The following TRHDE variants were observed in gnomAD, a reference collection of about 807,000 sequenced individuals.
TRHDE encodes thyrotropin releasing hormone degrading enzyme.
TRHDE carries 72 observed loss-of-function variants against 125.7 expected under a neutral mutation model. The observed-to-expected ratio is 0.57, with a 90% CI of 0.47 to 0.70. The LOEUF is 0.70. Ranked by LOEUF, TRHDE falls within the 30% of genes least tolerant of loss-of-function variation. The pLI is 0.00. For missense variants in TRHDE, 1,110 were observed against 1,327.1 expected (o/e 0.84, Z 2.54); for synonymous variants, 509 against 509.1 (o/e 1.00, Z 0.00).
chr12:72,632,761 G>A (rs1051331935), intron 15 of TRHDE, among the ~76,000 whole-genome samples: 11 of 148,072 alleles, frequency 7.4e-5, no homozygotes, highest in African/African-American at 2.7e-4. Flanking sequence ...GACAAGTCAC[G>A]AATTTTCCTC....
At chr12:72,589,734 T>C (rs1186440579) in intron 12 of TRHDE, among the ~76,000 whole-genome samples, 5 of 152,134 alleles carry the variant, frequency 3.3e-5, no homozygotes, top group African/African-American at 1.2e-4. Context: ...TAATGTCTTA[T>C]GAGTTTTGTG....
At chr12:72,344,669 A>C (rs1484745454) in intron 2 of TRHDE, among the ~76,000 whole-genome samples, 1 of 152,106 alleles carries the variant, frequency 6.6e-6, no homozygotes, top group African/African-American at 2.4e-5. Flanking sequence ...TGTGCAAAAG[A>C]AAATACAATT....
intron 3 of TRHDE, among the ~76,000 whole-genome samples, chr12:72,431,047 T>G (rs1874454791): frequency 6.6e-6 from 1 of 152,148 alleles, no homozygotes; most frequent in South Asian, 2.1e-4. Flanking sequence ...CTCAATTTTA[T>G]TTTTGGATTG....
Position 72,621,163 on chromosome 12 carries a change from A to G in TRHDE, c.2525A>G (p.Asn842Ser), listed in dbSNP as rs748323692. The change falls in exon 14 of 19, where the codon AAT becomes AGT. Residue 842 changes from asparagine to serine, a missense_variant. Transcript: ENST00000261180. ...TATATCAAGCTTGGGTGGCCGAAAA[A>G]TAATTTTAATGGATCTCTTGTTCAA... ...TTYIKLGWPK[N>S]NFNGSLVQAS... The G allele has an allele frequency of 2.5e-6, 4 of 1,612,586 alleles. No individual in the cohort carries two copies. The highest frequency in any genetic ancestry group is 3.4e-6 in the Non-Finnish European group (4 of 1,179,060).
intron 2 of TRHDE, among the ~76,000 whole-genome samples, chr12:72,106,382 A>C (rs900160557): frequency 6.6e-6 from 1 of 152,150 alleles, no homozygotes; most frequent in Non-Finnish European, 1.5e-5. Flanking sequence ...GAAAAAGGTA[A>C]ATAAACAAAA....
intron 12 of TRHDE, among the ~76,000 whole-genome samples, chr12:72,595,057 G>A (rs1871870564): frequency 7.3e-6 from 1 of 136,746 alleles, no homozygotes; most frequent in Non-Finnish European, 1.5e-5. Flanking sequence ...GGTGGGAATT[G>A]AACAATGAGA....
intron 2 of TRHDE, among the ~76,000 whole-genome samples, chr12:72,313,811 C>A (rs893250621): frequency 2.0e-5 from 3 of 152,098 alleles, no homozygotes; most frequent in Non-Finnish European, 2.9e-5. Flanking sequence ...ATATTGTCTC[C>A]CTCTGGGGAA....
intron 2 of TRHDE, among the ~76,000 whole-genome samples, chr12:72,352,242 A>C (rs1385821453): frequency 5.3e-5 from 8 of 151,720 alleles, no homozygotes; most frequent in Middle Eastern, 3.2e-3. Flanking sequence ...GGAGAGAAAA[A>C]AAAAAAGATT....
At chr12:72,171,261 A>G (rs1307753111) in intron 2 of TRHDE, among the ~76,000 whole-genome samples, 1 of 152,088 alleles carries the variant, frequency 6.6e-6, no homozygotes, top group Non-Finnish European at 1.5e-5. Flanking sequence ...AGAAAAAAAA[A>G]ATAGGATTAG....
intron 3 of TRHDE, among the ~76,000 whole-genome samples, chr12:72,424,950 C>T (rs991077164): frequency 1.9e-4 from 29 of 151,664 alleles, no homozygotes; most frequent in African/African-American, 7.0e-4. Flanking sequence ...ACTGAAATCA[C>T]AGAAAGGAAA....
At chr12:72,474,978 C>T (rs559689388) in intron 5 of TRHDE, among the ~76,000 whole-genome samples, 7 of 152,228 alleles carry the variant, frequency 4.6e-5, no homozygotes, top group South Asian at 2.1e-4. Context: ...GACTCACTTG[C>T]ACAAATCTAC....
At chr12:72,165,750 C>T (rs1193316032) in intron 2 of TRHDE, among the ~76,000 whole-genome samples, 1 of 151,890 alleles carries the variant, frequency 6.6e-6, no homozygotes, top group Non-Finnish European at 1.5e-5. Flanking sequence ...TCTTGGCTCA[C>T]TGCAAGCTGC....
chr12:72,311,319 G>T (rs372721363), intron 2 of TRHDE, among the ~76,000 whole-genome samples: 4 of 152,150 alleles, frequency 2.6e-5, no homozygotes, highest in South Asian at 4.2e-4. Context: ...ATGACACCCA[G>T]ATTTATCCAA....
At chr12:72,483,849 T>G (rs1238994552) in intron 5 of TRHDE, among the ~76,000 whole-genome samples, 1 of 152,058 alleles carries the variant, frequency 6.6e-6, no homozygotes, top group East Asian at 1.9e-4. Context: ...GATTGACAAT[T>G]CATATCACAT....
Position 72,635,006 on chromosome 12 carries a change from G to A in TRHDE, c.2675+13255G>A, listed in dbSNP as rs1217253320. On this transcript the variant is annotated intron_variant, in intron 15 of 18. Coordinates refer to ENST00000261180, the MANE Select transcript of TRHDE (RefSeq NM_013381.3). ...TAGCAGCATGATTTATAGTCCTTTG[G>A]GTATATACCCAGTAATGGGATGGCT... Among the ~76,000 whole-genome samples, 1,254 of 152,002 alleles carry A rather than the reference G, an allele frequency of 8.2e-3. 7 individuals are homozygous for A. The highest frequency in any genetic ancestry group is 0.024 in the Middle Eastern group (7 of 294).
chr12:72,097,353 TG>T, intron 1 of TRHDE, among the ~76,000 whole-genome samples: 1 of 152,056 alleles, frequency 6.6e-6, no homozygotes, highest in East Asian at 1.9e-4. Context: ...AAACAGATGA[TG>T]TTTCCTGGAA....
intron 5 of TRHDE, among the ~76,000 whole-genome samples, chr12:72,493,739 C>T (rs1441121003): frequency 6.6e-6 from 1 of 151,964 alleles, no homozygotes; most frequent in Non-Finnish European, 1.5e-5. Context: ...TCTGTAGTCC[C>T]CCAAACGAAC....
chr12:72,120,886 G>A (rs1875565117), intron 2 of TRHDE, among the ~76,000 whole-genome samples: 1 of 151,164 alleles, frequency 6.6e-6, no homozygotes, highest in African/African-American at 2.4e-5. Context: ...CACCATTTTG[G>A]CCAAAATGGT....
At chr12:72,432,715 T>G (rs1874549292) in intron 3 of TRHDE, among the ~76,000 whole-genome samples, 1 of 152,192 alleles carries the variant, frequency 6.6e-6, no homozygotes, top group East Asian at 1.9e-4. Context: ...TACAGGCGTC[T>G]TGGGTCACAG....
Sources: gnomAD v4.1 joint callset for allele counts (sites outside exome capture counted in the v4.1 genomes callset) on GRCh38, gnomAD v4.1.1 for gene constraint, MANE v1.5 for transcripts, NCBI Gene and HGNC (gene_info 2026-07-23, HGNC 2026-07-21) for gene names.